Variants in H2BC9 observed in about 807,000 individuals in gnomAD.
H2BC9 encodes the protein histone H2B type 1-H.
H2BC9 carries 11 observed loss-of-function variants against 5.8 expected under a neutral mutation model. The observed-to-expected ratio is 1.89, with a 90% CI of 1.19 to 3.12. The LOEUF (loss-of-function observed/expected upper bound fraction) is 3.12. Ranked by LOEUF, H2BC9 falls within the 30% of genes most tolerant of loss-of-function variation. H2BC9 has a pLI of 0.00. For synonymous variants in H2BC9, 136 were observed against 72.2 expected, an observed-to-expected ratio of 1.88 and a Z score of -4.48; for missense variants, 219 against 167.8, an observed-to-expected ratio of 1.30 and a Z score of -1.68.
In H2BC9 at chr6:26,251,654, C is replaced by T. The variant is rs1371256954; in HGVS notation, c.4C>T (p.Pro2Ser). 2.5e-6 allele frequency: 4 copies of T among 1,613,898 alleles called. No individual in the cohort carries two copies. The highest frequency in any genetic ancestry group is 1.3e-5 in the African/African-American group (1 of 74,890). M[P>S]DPAKSAPAPK... is the part of the protein sequence containing the mutation. ...CTTACTCCTTTATCTTGTTGCAATG[C>T]CTGATCCAGCTAAGTCCGCTCCCGC... The change falls in exon 1 of 1, where the codon CCT becomes TCT. Residue 2 changes from proline to serine, a missense_variant. Coordinates refer to ENST00000619466, the MANE Select transcript of H2BC9 (RefSeq NM_003524.3).
rs748422335 is a variant in H2BC9, at chr6:26,251,830, G to T, written c.180G>T (p.Met60Ile). ...HPDTGISSKA[M>I]GIMNSFVNDI... is the part of the protein sequence containing the mutation. ...ACACCGGCATCTCCTCCAAAGCCATGGGGATCATGAATTCCTTTGTCAACG... is the reference window on the plus strand; with the variant it reads ...ACACCGGCATCTCCTCCAAAGCCATTGGGATCATGAATTCCTTTGTCAACG... Residue 60 changes from methionine (M) to isoleucine (I), a missense_variant, in exon 1 of 1, where the codon ATG (methionine) becomes ATT (isoleucine). By Grantham distance (10) the Met-to-Ile change is conservative. Transcript: ENST00000619466. 3.1e-6 allele frequency: 5 copies of T among 1,614,104 alleles called. No homozygotes were observed. Among genetic ancestry groups the T allele is most frequent in the Non-Finnish European group, 4.2e-6 (5 of 1,180,040 alleles).
rs759596397 is a variant in H2BC9 at position 26,251,740 on chromosome 6, TA to T, written c.93del (p.Lys31AsnfsTer16). 6.8e-6 allele frequency: 11 copies of T among 1,614,080 alleles called. No individual in the cohort carries two copies. The highest frequency in any genetic ancestry group is 2.2e-5 in the East Asian group (1 of 44,900). On this transcript the variant is annotated frameshift_variant, in exon 1 of 1. Coordinates refer to ENST00000619466, the MANE Select transcript of H2BC9 (RefSeq NM_003524.3). LOFTEE classifies it high-confidence loss of function. ...KAQKKDGKKR[K>X]RSRKESYSVY... ...CGCAGAAGAAGGATGGCAAGAAGCG[TA>T]AACGCAGCCGCAAGGAGAGCTACTC...
rs775861872 is a variant in H2BC9, at chr6:26,251,716, G to A, written c.66G>A (p.Ala22=). ...KKGSKKAVTK[A]QKKDGKKRKR... ...GCTCCAAGAAGGCGGTGACCAAGGC[G>A]CAGAAGAAGGATGGCAAGAAGCGTA... The change falls in exon 1 of 1, where the codon GCG becomes GCA. Residue 22 remains alanine (A), a synonymous_variant. Transcript: ENST00000619466. 2.5e-6 allele frequency: 4 copies of A among 1,614,198 alleles called. No individual in the cohort carries two copies. Among genetic ancestry groups the A allele is most frequent in the East Asian group, 2.2e-5 (1 of 44,886 alleles).
In H2BC9 at chr6:26,251,636, C is replaced by T. The variant is rs779996839; in HGVS notation, c.-15C>T. 9 of 1,613,990 alleles carry T rather than the reference C, an allele frequency of 5.6e-6. No individual in the cohort carries two copies. The highest frequency in any genetic ancestry group is 1.3e-5 in the African/African-American group (1 of 75,016). On this transcript the variant is annotated 5_prime_UTR_variant, in exon 1 of 1. Coordinates refer to ENST00000619466, the MANE Select transcript of H2BC9 (RefSeq NM_003524.3). ...TTCACTTTGGGGTGTATTCTTACTC[C>T]TTTATCTTGTTGCAATGCCTGATCC...
rs775730631 is a variant in H2BC9, at chr6:26,252,035, G to A, written c.*4G>A. ...CAAGTACACCAGCTCCAAATAAATG[G>A]ACGCATGTTCAAACCCAAAGGCTCT... is the stretch of plus-strand genomic sequence containing the variant. On this transcript the variant is annotated 3_prime_UTR_variant, in exon 1 of 1. Transcript: ENST00000619466. 1.9e-6 allele frequency: 3 copies of A among 1,614,016 alleles called. No homozygotes were observed. Among genetic ancestry groups the A allele is most frequent in the South Asian group, 2.2e-5 (2 of 91,080 alleles).
Position 26,251,744 on chromosome 6 carries a change from C to T in H2BC9, c.94C>T (p.Arg32Cys), listed in dbSNP as rs977939840. 4.3e-6 allele frequency: 7 copies of T among 1,614,074 alleles called. No individual in the cohort carries two copies. The highest frequency in any genetic ancestry group is 3.4e-6 in the Non-Finnish European group (4 of 1,180,048). The change falls in exon 1 of 1, where the codon CGC becomes TGC. Residue 32 changes from arginine to cysteine, a missense_variant. Transcript: ENST00000619466. Reference sequence around the variant, plus strand: ...GAAGAAGGATGGCAAGAAGCGTAAACGCAGCCGCAAGGAGAGCTACTCCGT... The same window carrying T: ...GAAGAAGGATGGCAAGAAGCGTAAATGCAGCCGCAAGGAGAGCTACTCCGT... ...AQKKDGKKRK[R>C]SRKESYSVYV...
chr6:26,251,952 T>A lies in H2BC9; in HGVS notation c.302T>A (p.Leu101Gln). The A allele has an allele frequency of 6.2e-7, 1 of 1,614,226 alleles. No homozygotes were observed. The highest frequency in any genetic ancestry group is 8.5e-7 in the Non-Finnish European group (1 of 1,180,040). Residue 101 changes from leucine (L) to glutamine (Q), a missense_variant, in exon 1 of 1, where the codon CTG becomes CAG. Leu to Gln is a moderately radical substitution (Grantham distance 113). Transcript: ENST00000619466. ...AGGGAGATCCAGACAGCCGTGCGCCTGCTGCTGCCTGGGGAACTGGCCAAG... is the reference window on the plus strand; with the variant it reads ...AGGGAGATCCAGACAGCCGTGCGCCAGCTGCTGCCTGGGGAACTGGCCAAG... ...TSREIQTAVR[L>Q]LLPGELAKHA...
rs1049253235 is a variant in H2BC9 at position 26,252,053 on chromosome 6, A to G, written c.*22A>G. ...ATAAATGGACGCATGTTCAAACCCA[A>G]AGGCTCTTTTCAGAGCCACTTAATG... On this transcript the variant is annotated 3_prime_UTR_variant, in exon 1 of 1. Transcript: ENST00000619466. 1.9e-6 allele frequency: 3 copies of G among 1,613,690 alleles called. No homozygotes were observed. The highest frequency in any genetic ancestry group is 2.7e-5 in the African/African-American group (2 of 74,878).
Position 26,251,825 on chromosome 6 carries a change from G to GGGGA in H2BC9, c.175_176insGGGA (p.Ala59GlyfsTer60). ...CCCCGACACCGGCATCTCCTCCAAA[G>GGGGA]CCATGGGGATCATGAATTCCTTTGT... On this transcript the variant is annotated frameshift_variant, in exon 1 of 1. Transcript: ENST00000619466. LOFTEE classifies it high-confidence loss of function. The GGGGA allele has an allele frequency of 6.2e-7, 1 of 1,614,240 alleles. No individual in the cohort carries two copies. The highest frequency in any genetic ancestry group is 1.3e-5 in the African/African-American group (1 of 75,058).
Position 26,251,744 on chromosome 6 carries a change from C to G in H2BC9, c.94C>G (p.Arg32Gly), listed in dbSNP as rs977939840. 1.3e-5 allele frequency: 21 copies of G among 1,614,074 alleles called. No homozygotes were observed. Among genetic ancestry groups the G allele is most frequent in the Non-Finnish European group, 1.8e-5 (21 of 1,180,048 alleles). Residue 32 changes from arginine (R) to glycine (G), a missense_variant, in exon 1 of 1, where the codon CGC becomes GGC. By Grantham distance (125) the Arg-to-Gly change is moderately radical. Coordinates refer to ENST00000619466, the MANE Select transcript of H2BC9 (RefSeq NM_003524.3). ...GAAGAAGGATGGCAAGAAGCGTAAA[C>G]GCAGCCGCAAGGAGAGCTACTCCGT... Reference protein sequence around the residue: ...AQKKDGKKRKRSRKESYSVYV... With the variant: ...AQKKDGKKRKGSRKESYSVYV...
rs1260864773 is a variant in H2BC9, at chr6:26,251,707, G to A, written c.57G>A (p.Val19=). ...PAPKKGSKKA[V]TKAQKKDGKK... is the part of the protein sequence containing the mutation. Reference sequence around the variant, plus strand: ...CGAAGAAGGGCTCCAAGAAGGCGGTGACCAAGGCGCAGAAGAAGGATGGCA... The same window carrying A: ...CGAAGAAGGGCTCCAAGAAGGCGGTAACCAAGGCGCAGAAGAAGGATGGCA... The change falls in exon 1 of 1, where the codon GTG becomes GTA. Residue 19 remains valine (V), a synonymous_variant. Transcript: ENST00000619466. 2.5e-6 allele frequency: 4 copies of A among 1,614,182 alleles called. No individual in the cohort carries two copies. The highest frequency in any genetic ancestry group is 3.4e-6 in the Non-Finnish European group (4 of 1,180,030).
chr6:26,252,040 A>G lies in H2BC9; in HGVS notation c.*9A>G, dbSNP rs1440411464. 6 of 1,614,162 alleles carry G rather than the reference A, an allele frequency of 3.7e-6. No individual in the cohort carries two copies. The highest frequency in any genetic ancestry group is 2.2e-5 in the East Asian group (1 of 44,892). ...ACACCAGCTCCAAATAAATGGACGC[A>G]TGTTCAAACCCAAAGGCTCTTTTCA... On this transcript the variant is annotated 3_prime_UTR_variant, in exon 1 of 1. Transcript: ENST00000619466.
At position 26,251,639 on chromosome 6, in the gene H2BC9, T is replaced by C; in HGVS notation, c.-12T>C. ...ACTTTGGGGTGTATTCTTACTCCTT[T>C]ATCTTGTTGCAATGCCTGATCCAGC... On this transcript the variant is annotated 5_prime_UTR_variant, in exon 1 of 1. Transcript: ENST00000619466. 6.2e-7 allele frequency: 1 copy of C among 1,614,016 alleles called. No homozygotes were observed. The highest frequency in any genetic ancestry group is 8.5e-7 in the Non-Finnish European group (1 of 1,179,994).
rs201562863 is a variant in H2BC9, at chr6:26,251,872, C to T, written c.222C>T (p.Ile74=). Reference sequence around the variant, plus strand: ...TTGTCAACGATATCTTCGAGCGCATCGCCGGCGAGGCTTCCCGCCTGGCTC... The same window carrying T: ...TTGTCAACGATATCTTCGAGCGCATTGCCGGCGAGGCTTCCCGCCTGGCTC... ...NSFVNDIFER[I]AGEASRLAHY... is the part of the protein sequence containing the mutation. Residue 74 remains isoleucine (I), a synonymous_variant, in exon 1 of 1, where the codon ATC becomes ATT. Transcript: ENST00000619466. The T allele has an allele frequency of 2.9e-5, 47 of 1,614,084 alleles. 1 individual carries two copies. Among genetic ancestry groups the T allele is most frequent in the South Asian group, 8.8e-5 (8 of 91,090 alleles).
rs753494960 is a variant in H2BC9 at position 26,252,001 on chromosome 6, G to A, written c.351G>A (p.Lys117=). 11 of 1,614,088 alleles carry A rather than the reference G, an allele frequency of 6.8e-6. 1 individual carries two copies. The highest frequency in any genetic ancestry group is 2.2e-5 in the South Asian group (2 of 91,092). Residue 117 remains lysine, a synonymous_variant, in exon 1 of 1, where the codon AAG becomes AAA. Coordinates refer to ENST00000619466, the MANE Select transcript of H2BC9 (RefSeq NM_003524.3). ...LAKHAVSEGT[K]AVTKYTSSK is the part of the protein sequence containing the mutation. The stretch of plus-strand genomic sequence containing the variant: ...AGCACGCCGTGTCCGAGGGCACTAA[G>A]GCCGTCACCAAGTACACCAGCTCCA...
chr6:26,251,980 C>T lies in H2BC9; in HGVS notation c.330C>T (p.His110=), dbSNP rs1161193873. ...RLLLPGELAK[H]AVSEGTKAVT... is the part of the protein sequence containing the mutation. ...TGCTGCCTGGGGAACTGGCCAAGCACGCCGTGTCCGAGGGCACTAAGGCCG... is the reference window on the plus strand; with the variant it reads ...TGCTGCCTGGGGAACTGGCCAAGCATGCCGTGTCCGAGGGCACTAAGGCCG... Residue 110 remains histidine (H), a synonymous_variant, in exon 1 of 1, where the codon CAC becomes CAT. Transcript: ENST00000619466. 1.2e-5 allele frequency: 19 copies of T among 1,614,112 alleles called. 1 individual carries two copies. In the South Asian group the frequency reaches 1.3e-4, roughly 11 times the overall value.
rs369223198 is a variant in H2BC9, at chr6:26,251,615, C to T, written c.-36C>T. On this transcript the variant is annotated 5_prime_UTR_variant, in exon 1 of 1. Transcript: ENST00000619466. Reference sequence around the variant, plus strand: ...GGCCAGCTGTGCTGTTGAGCCTTCACTTTGGGGTGTATTCTTACTCCTTTA... The same window carrying T: ...GGCCAGCTGTGCTGTTGAGCCTTCATTTTGGGGTGTATTCTTACTCCTTTA... 151 of 1,611,052 alleles carry T rather than the reference C, an allele frequency of 9.4e-5. 1 individual carries two copies. In the African/African-American group the frequency reaches 1.8e-3, roughly 20 times the overall value.
Position 26,251,619 on chromosome 6 carries a change from G to T in H2BC9, c.-32G>T. The T allele has an allele frequency of 6.2e-7, 1 of 1,611,196 alleles. No individual in the cohort carries two copies. Among genetic ancestry groups the T allele is most frequent in the East Asian group, 2.2e-5 (1 of 44,864 alleles). Reference sequence around the variant, plus strand: ...AGCTGTGCTGTTGAGCCTTCACTTTGGGGTGTATTCTTACTCCTTTATCTT... The same window carrying T: ...AGCTGTGCTGTTGAGCCTTCACTTTTGGGTGTATTCTTACTCCTTTATCTT... On this transcript the variant is annotated 5_prime_UTR_variant, in exon 1 of 1. Coordinates refer to ENST00000619466, the MANE Select transcript of H2BC9 (RefSeq NM_003524.3).
rs780484864 is a variant in H2BC9 at position 26,251,778 on chromosome 6, A to G, written c.128A>G (p.Tyr43Cys). The change falls in exon 1 of 1, where the codon TAC becomes TGC. Residue 43 changes from tyrosine to cysteine, a missense_variant. Tyr to Cys is a radical substitution (Grantham distance 194). Coordinates refer to ENST00000619466, the MANE Select transcript of H2BC9 (RefSeq NM_003524.3). ...SRKESYSVYV[Y>C]KVLKQVHPDT... ...AAGGAGAGCTACTCCGTATACGTTTACAAGGTGCTGAAGCAAGTCCACCCC... is the reference window on the plus strand; with the variant it reads ...AAGGAGAGCTACTCCGTATACGTTTGCAAGGTGCTGAAGCAAGTCCACCCC... 5 of 1,614,278 alleles carry G rather than the reference A, an allele frequency of 3.1e-6. No homozygotes were observed. Among genetic ancestry groups the G allele is most frequent in the Non-Finnish European group, 4.2e-6 (5 of 1,180,046 alleles).
Sources: gnomAD v4.1 joint callset for allele counts on GRCh38, gnomAD v4.1.1 for gene constraint, MANE v1.5 for transcripts, NCBI Gene and HGNC (gene_info 2026-07-23, HGNC 2026-07-21) for gene names.